ZDHHC9: variants seen among roughly 807,000 people sequenced by gnomAD.
ZDHHC9 encodes the protein palmitoyltransferase ZDHHC9.
ZDHHC9 carries 3 observed loss-of-function variants against 26.6 expected under a neutral mutation model. The observed-to-expected ratio is 0.11, with a 90% confidence interval of 0.05 to 0.29. The LOEUF is 0.29. ZDHHC9 is among the 10% of genes least tolerant of loss of function. The pLI, the probability that ZDHHC9 is intolerant of heterozygous loss-of-function variation, is 1.00. For missense variants in ZDHHC9, 146 were observed against 296.4 expected (o/e 0.49, Z 3.73); for synonymous variants, 111 against 109.4 (o/e 1.01, Z -0.09).
intron 7 of ZDHHC9, among the ~76,000 whole-genome samples, 189 bp from the exon 8 acceptor site, chrX:129,813,009 G>A (rs1448892046): frequency 8.9e-6 from 1 of 112,204 alleles, no homozygotes; most frequent in Non-Finnish European, 1.9e-5. Context: ...AATTTCTAGC[G>A]TATCTAGGGT....
In ZDHHC9 at chrX:129,841,802, T is replaced by C. The variant is rs145877196; in HGVS notation, c.144A>G (p.Thr48=). 8.3e-7 allele frequency: 1 copy of C among 1,210,030 alleles called. No individual in the cohort carries two copies. The highest frequency in any genetic ancestry group is 2.2e-5 in the Admixed American group (1 of 45,750). Residue 48 remains threonine (T), a synonymous_variant, in exon 3 of 11, where the codon ACA becomes ACG. Transcript: ENST00000357166. ...ACTCAAAGGCGAAGAAGAGTGTACA[T>C]GTCCCCAGGATGAGGAAAAGGGTCA... ...FYLTLFLILG[T]CTLFFAFECR...
intron 2 of ZDHHC9, among the ~76,000 whole-genome samples, chrX:129,842,367 G>C (rs752652624): frequency 3.6e-5 from 4 of 112,257 alleles, no homozygotes; most frequent in Non-Finnish European, 7.5e-5. Flanking sequence ...GATTTTATAG[G>C]TGATCGTGCC....
At chrX:129,811,869 A>T (rs1413687827) in intron 8 of ZDHHC9, among the ~76,000 whole-genome samples, 1 of 111,577 alleles carries the variant, frequency 9.0e-6, no homozygotes, top group Non-Finnish European at 1.9e-5. Context: ...AGAGTGAAAA[A>T]AGCAGATAAC....
At chrX:129,820,725 T>G (rs750462073) in intron 5 of ZDHHC9, among the ~76,000 whole-genome samples, 4 of 112,136 alleles carry the variant, frequency 3.6e-5, no homozygotes. Flanking sequence ...GAGTTCCTTA[T>G]AGTTAAGAGT....
chrX:129,806,198 A>G lies in ZDHHC9; in HGVS notation c.*172T>C, dbSNP rs1927511377. The G allele has an allele frequency of 3.9e-6, 2 of 518,973 alleles. No individual in the cohort carries two copies. The highest frequency in any genetic ancestry group is 5.2e-5 in the Admixed American group (2 of 38,682). 42.8% of individuals were successfully genotyped at this position (518,973 alleles called of 1,213,427 possible). On this transcript the variant is annotated 3_prime_UTR_variant, in exon 11 of 11. Transcript: ENST00000357166. ...TTCTGCCACTGCCTTGAGTTCAGAA[A>G]TTTAAAAAAGCTTGCAGCAAGAAAA...
At chrX:129,830,258 A>G (rs761960134) in intron 3 of ZDHHC9, among the ~76,000 whole-genome samples, 47 of 111,835 alleles carry the variant, frequency 4.2e-4, no homozygotes, top group African/African-American at 1.4e-3. Flanking sequence ...TTCTGGCTCT[A>G]CCAGCTCCTA....
At chrX:129,841,451 T>G (rs1440765060) in intron 3 of ZDHHC9, among the ~76,000 whole-genome samples, 1 of 111,994 alleles carries the variant, frequency 8.9e-6, no homozygotes, top group East Asian at 2.8e-4. Context: ...CAGGTTTGTG[T>G]GCAGGGGAGG....
intron 8 of ZDHHC9, 58 bp downstream of exon 8, chrX:129,812,660 A>G: frequency 9.9e-7 from 1 of 1,015,219 alleles, no homozygotes. Context: ...AGCAGGTAGC[A>G]AGAGGATAGG....
intron 6 of ZDHHC9, 147 bp from the exon 7 acceptor site, chrX:129,813,872 AG>A: frequency 1.9e-6 from 1 of 527,320 alleles, no homozygotes. Flanking sequence ...AAGGGTGAAG[AG>A]CCTCATCTCC....
chrX:129,809,403 G>A (rs1156799909), intron 10 of ZDHHC9, among the ~76,000 whole-genome samples: 1 of 112,128 alleles, frequency 8.9e-6, no homozygotes, highest in Non-Finnish European at 1.9e-5. Context: ...ACGAAGTACT[G>A]CTACATAGTA....
At position 129,823,725 on chromosome X, in the gene ZDHHC9, G is replaced by A. The variant is rs1322984692; in HGVS notation, c.441C>T (p.Phe147=). The part of the protein sequence containing the change: ...KLKYCYTCKI[F]RPPRASHCSI... ...TGCAATGGGAGGCCCGGGGAGGCCG[G>A]AAGATCTTGCATGTGTAACAGTATT... Residue 147 remains phenylalanine (F), a synonymous_variant, in exon 5 of 11, where the codon TTC becomes TTT. Coordinates refer to ENST00000357166, the MANE Select transcript of ZDHHC9 (RefSeq NM_016032.4). 27 of 1,212,436 alleles carry A rather than the reference G, an allele frequency of 2.2e-5. No individual in the cohort carries two copies. The highest frequency in any genetic ancestry group is 3.0e-5 in the Non-Finnish European group (27 of 895,669).
At chrX:129,824,211 A>AT (rs1288061922) in intron 4 of ZDHHC9, among the ~76,000 whole-genome samples, 1 of 112,141 alleles carries the variant, frequency 8.9e-6, no homozygotes, top group East Asian at 2.8e-4. Context: ...AACAATAAAA[A>AT]TACCCCATGT....
At chrX:129,835,068 G>A (rs1047184492) in intron 3 of ZDHHC9, among the ~76,000 whole-genome samples, 2 of 112,272 alleles carry the variant, frequency 1.8e-5, no homozygotes, top group African/African-American at 6.5e-5. Flanking sequence ...GGCATTCAGT[G>A]GAGACTGAAA....
intron 5 of ZDHHC9, among the ~76,000 whole-genome samples, chrX:129,821,712 A>T (rs767208594): frequency 1.8e-5 from 2 of 108,925 alleles, no homozygotes; most frequent in African/African-American, 6.6e-5. Flanking sequence ...TCACAAGGTC[A>T]GGAGTTCCAG....
At chrX:129,824,005 T>C (rs758921143) in intron 4 of ZDHHC9, among the ~76,000 whole-genome samples, 168 bp from the exon 5 acceptor site, 1 of 112,088 alleles carries the variant, frequency 8.9e-6, no homozygotes, top group Admixed American at 9.5e-5. Flanking sequence ...CTCCACTAAG[T>C]GCATGCAGTT....
In ZDHHC9 at chrX:129,806,255, A is replaced by G; in HGVS notation, c.*115T>C. ...TGTGCAACTGGGTGACTAAAGACCA[A>G]AGAAAAACAGTTAAAAGGGACAGCT... On this transcript the variant is annotated 3_prime_UTR_variant, in exon 11 of 11. Transcript: ENST00000357166. 1.4e-6 allele frequency: 1 copy of G among 707,235 alleles called. No homozygotes were observed. Among genetic ancestry groups the G allele is most frequent in the Non-Finnish European group, 2.3e-6 (1 of 439,884 alleles). 58.3% of individuals were successfully genotyped at this position (707,235 alleles called of 1,213,427 possible).
At position 129,803,633 on chromosome X, in the gene ZDHHC9, T is replaced by A. The variant is rs961706047; in HGVS notation, c.*2737A>T. 9.0e-6 allele frequency: 1 copy of A among 111,564 alleles called. No individual in the cohort carries two copies. Among genetic ancestry groups the A allele is most frequent in the Non-Finnish European group, 1.9e-5 (1 of 53,084 alleles). The allele number at this position is 111,564 out of a possible 1,213,427, so 9.2% of individuals were successfully genotyped here. On this transcript the variant is annotated 3_prime_UTR_variant, in exon 11 of 11. Transcript: ENST00000357166. ...TCCACCTCTAACCCAACCTCACTCC[T>A]GGGGTAAAAGCAAAGGAGGAGATGA...
In ZDHHC9 at chrX:129,804,037, A is replaced by G. The variant is rs1436230012; in HGVS notation, c.*2333T>C. On this transcript the variant is annotated 3_prime_UTR_variant, in exon 11 of 11. Transcript: ENST00000357166. ...AGGGAGTATGAAAAAGCAGAAAATC[A>G]TTTCACACTAGAGATAAGAGATTTC... is the stretch of plus-strand genomic sequence containing the variant. The G allele has an allele frequency of 3.6e-5, 4 of 111,481 alleles. No individual in the cohort carries two copies. The highest frequency in any genetic ancestry group is 7.5e-5 in the Non-Finnish European group (4 of 53,042). The allele number at this position is 111,481 out of a possible 1,213,427, so 9.2% of individuals were successfully genotyped here. A position where few individuals can be genotyped will look rare whatever the true frequency, so the allele number is the denominator to read the frequency against.
intron 4 of ZDHHC9, among the ~76,000 whole-genome samples, chrX:129,824,304 G>A (rs981599258): frequency 9.0e-6 from 1 of 110,878 alleles, no homozygotes; most frequent in Non-Finnish European, 1.9e-5. Context: ...TTTCTTTTAA[G>A]ATGAAGTCTC....
Sources: gnomAD v4.1 joint callset for allele counts (sites outside exome capture counted in the v4.1 genomes callset) on GRCh38, gnomAD v4.1.1 for gene constraint, MANE v1.5 for transcripts, NCBI Gene and HGNC (gene_info 2026-07-23, HGNC 2026-07-21) for gene names.